NLGN3: variants seen among roughly 807,000 people sequenced by gnomAD.
NLGN3 encodes neuroligin-3.
A neutral mutation model predicts 42.9 loss-of-function variants in NLGN3; 11 were observed. The ratio of observed to expected loss-of-function variants is 0.26; its 90% confidence interval spans 0.16 to 0.42. The LOEUF (loss-of-function observed/expected upper bound fraction) is 0.42. Ranked by LOEUF, NLGN3 falls within the 10% of genes least tolerant of loss-of-function variation. NLGN3 has a pLI of 1.00. For missense variants in NLGN3, 374 were observed against 733.8 expected (o/e 0.51, Z 5.67); for synonymous variants, 279 against 312.7 (o/e 0.89, Z 1.14).
chrX:71,170,336 A>T lies in NLGN3; in HGVS notation c.*239A>T. 2.8e-6 allele frequency: 3 copies of T among 1,059,715 alleles called. No homozygotes were observed. Among genetic ancestry groups the T allele is most frequent in the Non-Finnish European group, 3.7e-6 (3 of 819,765 alleles). 87.3% of individuals were successfully genotyped at this position (1,059,715 alleles called of 1,213,427 possible). A position where few individuals can be genotyped will look rare whatever the true frequency, so the allele number is the denominator to read the frequency against. ...GAACAAACCCTTTAAATGGGGACGC[A>T]GATGAGTCCTCGGTAAACCGAGGAC... On this transcript the variant is annotated 3_prime_UTR_variant, in exon 8 of 8. Transcript: ENST00000358741.
At chrX:71,173,112 G>A (rs1602334750), downstream of NLGN3, among the ~76,000 whole-genome samples, 2 of 110,129 alleles carry the variant, frequency 1.8e-5, no homozygotes, top group East Asian at 5.7e-4. Context: ...TTGTTCTTAT[G>A]TTCCATCCTT....
chrX:71,147,471 G>A, intron 1 of NLGN3, 79 bp from the exon 2 acceptor site: 1 of 419,937 alleles, frequency 2.4e-6, no homozygotes, highest in Middle Eastern at 6.6e-4. Flanking sequence ...AATAGCCCAA[G>A]CCCAGCAGGG....
chrX:71,160,302 C>T (rs2092425935), intron 5 of NLGN3, among the ~76,000 whole-genome samples: 3 of 107,347 alleles, frequency 2.8e-5, no homozygotes, highest in Non-Finnish European at 5.8e-5. Context: ...CTACAACCTC[C>T]GCCTCCCCGG....
At chrX:71,149,007 C>A in intron 3 of NLGN3, 102 bp downstream of exon 3, 1 of 486,644 alleles carries the variant, frequency 2.1e-6, no homozygotes, top group Non-Finnish European at 3.3e-6. Flanking sequence ...GTAGCCCAGG[C>A]TCAGGGGGCA....
rs766819355 is a variant in NLGN3, at chrX:71,166,976, G to A, written c.914-35G>A. The A allele has an allele frequency of 2.8e-5, 31 of 1,124,107 alleles. No individual in the cohort carries two copies. In the South Asian group the frequency reaches 4.4e-4, roughly 16 times the overall value. The allele number at this position is 1,124,107 out of a possible 1,213,427, so 92.6% of individuals were successfully genotyped here. A position where few individuals can be genotyped will look rare whatever the true frequency, so the allele number is the denominator to read the frequency against. On this transcript the variant is annotated intron_variant, in intron 6 of 7. Coordinates refer to ENST00000358741, the MANE Select transcript of NLGN3 (RefSeq NM_181303.2). ...AGAGATTTATGGCTATGTGTGACAC[G>A]ACAGATCTGACCTGGTGCTACCTGT...
At position 71,164,126 on chromosome X, in the gene NLGN3, C is replaced by A. The variant is rs1602326480; in HGVS notation, c.728-17C>A. ...TCCCTCTGCCTTCATTGTCTTCATG[C>A]CCTTTGTTGAATCCAGGTTTCCTGA... On this transcript the variant is annotated splice_polypyrimidine_tract_variant and intron_variant, in intron 5 of 7. Transcript: ENST00000358741. 2 of 1,208,923 alleles carry A rather than the reference C, an allele frequency of 1.7e-6. No individual in the cohort carries two copies. The highest frequency in any genetic ancestry group is 2.2e-6 in the Non-Finnish European group (2 of 893,183).
downstream of NLGN3, chrX:71,171,307 T>A: frequency 2.3e-6 from 1 of 432,540 alleles, no homozygotes; most frequent in Non-Finnish European, 2.8e-6. Flanking sequence ...CCTGTATCTT[T>A]AAGCTGAGTC....
Position 71,170,776 on chromosome X carries a change from G to A in NLGN3, c.*679G>A. On this transcript the variant is annotated 3_prime_UTR_variant, in exon 8 of 8. Coordinates refer to ENST00000358741, the MANE Select transcript of NLGN3 (RefSeq NM_181303.2). Reference sequence around the variant, plus strand: ...AAGGAGAAAGGGGCTAGCACTGGATGGAGCTGGAGGGTCGTAGGGGAGAGA... The same window carrying A: ...AAGGAGAAAGGGGCTAGCACTGGATAGAGCTGGAGGGTCGTAGGGGAGAGA... 1 of 756,993 alleles carries A rather than the reference G, an allele frequency of 1.3e-6. No individual in the cohort carries two copies. Among genetic ancestry groups the A allele is most frequent in the Non-Finnish European group, 1.6e-6 (1 of 640,891 alleles). 62.4% of individuals were successfully genotyped at this position (756,993 alleles called of 1,213,427 possible).
chrX:71,147,552 C>T lies in NLGN3; in HGVS notation c.-198C>T. 2.2e-6 allele frequency: 1 copy of T among 461,606 alleles called. No homozygotes were observed. The highest frequency in any genetic ancestry group is 3.1e-5 in the South Asian group (1 of 32,274). 38.0% of individuals were successfully genotyped at this position (461,606 alleles called of 1,213,427 possible). On this transcript the variant is annotated splice_region_variant and 5_prime_UTR_variant, in exon 2 of 8. Coordinates refer to ENST00000358741, the MANE Select transcript of NLGN3 (RefSeq NM_181303.2). ...CGCATACTTCCCTCTTTCCACAGGC[C>T]TGTCTGGCCCTGAGGGAGTCCCCTT...
downstream of NLGN3, among the ~76,000 whole-genome samples, chrX:71,172,627 C>CGTGTGT (rs59876964): frequency 0.14 from 13,851 of 100,354 alleles, 1,635 homozygotes; most frequent in African/African-American, 0.37. Flanking sequence ...TGTGTGCATG[C>CGTGTGT]GTGTGTGTGT....
intron 4 of NLGN3, 26 bp from the exon 5 acceptor site, chrX:71,155,188 C>T: frequency 8.3e-7 from 1 of 1,211,179 alleles, no homozygotes. Context: ...CCCACCCAGC[C>T]TGTGTCTCAC....
intron 2 of NLGN3, among the ~76,000 whole-genome samples, 190 bp downstream of exon 2, chrX:71,148,396 T>A (rs1388686899): frequency 9.5e-6 from 1 of 105,680 alleles, no homozygotes; most frequent in Non-Finnish European, 2.0e-5. Flanking sequence ...CGAGCTCCCA[T>A]GTGTGAGTGA....
chrX:71,155,860 G>A (rs1295896814), intron 5 of NLGN3, among the ~76,000 whole-genome samples: 1 of 110,240 alleles, frequency 9.1e-6, no homozygotes, highest in African/African-American at 3.3e-5. Context: ...CACACACCTA[G>A]CCCCACATTC....
chrX:71,154,259 C>T (rs1246974702), intron 4 of NLGN3, among the ~76,000 whole-genome samples: 6 of 113,508 alleles, frequency 5.3e-5, no homozygotes. Context: ...TTCCCTTCCT[C>T]CTCCATGCCC....
At chrX:71,173,272 C>A (rs921643948), downstream of NLGN3, among the ~76,000 whole-genome samples, 3 of 111,142 alleles carry the variant, frequency 2.7e-5, no homozygotes, top group Non-Finnish European at 5.7e-5. Flanking sequence ...CTCAAGGCGC[C>A]ATAGCAAAAC....
Position 71,169,873 on chromosome X carries a change from T to C in NLGN3, c.2323T>C (p.Cys775Arg). The change falls in exon 8 of 8, where the codon TGT becomes CGT. Residue 775 changes from cysteine (C) to arginine (R), a missense_variant. Coordinates refer to ENST00000358741, the MANE Select transcript of NLGN3 (RefSeq NM_181303.2). ...ACAACTGGGCCCCACCCACCACGAGTGTGAGGCCGGTCCCCCCCATGACAC... is the reference window on the plus strand; with the variant it reads ...ACAACTGGGCCCCACCCACCACGAGCGTGAGGCCGGTCCCCCCCATGACAC... ...ALQLGPTHHECEAGPPHDTLR... is the reference protein window; with the variant it reads ...ALQLGPTHHEREAGPPHDTLR... 1 of 1,198,365 alleles carries C rather than the reference T, an allele frequency of 8.3e-7. No individual in the cohort carries two copies. The highest frequency in any genetic ancestry group is 1.1e-6 in the Non-Finnish European group (1 of 888,850).
rs774697128 is a variant in NLGN3, at chrX:71,170,139, C to A, written c.*42C>A. On this transcript the variant is annotated 3_prime_UTR_variant, in exon 8 of 8. Coordinates refer to ENST00000358741, the MANE Select transcript of NLGN3 (RefSeq NM_181303.2). ...AGCCAATCTCCAGGCTCCCTCCCTC[C>A]CAGATCCAGGAACACATGCACACAC... is the stretch of plus-strand genomic sequence containing the variant. 2 of 1,199,660 alleles carry A rather than the reference C, an allele frequency of 1.7e-6. No homozygotes were observed. Among genetic ancestry groups the A allele is most frequent in the Non-Finnish European group, 2.2e-6 (2 of 893,452 alleles).
At chrX:71,168,812 G>A (rs868728016) in intron 7 of NLGN3, among the ~76,000 whole-genome samples, 6 of 28,877 alleles carry the variant, frequency 2.1e-4, no homozygotes, top group South Asian at 1.4e-3. Context: ...AAGAAAGAAA[G>A]AGAAAAAAAA....
chrX:71,170,372 G>T lies in NLGN3; in HGVS notation c.*275G>T. Reference sequence around the variant, plus strand: ...CGGTAAACCGAGGACCCATGAAACAGCAGCTGAAGCCAGCTCCCTGAATCT... The same window carrying T: ...CGGTAAACCGAGGACCCATGAAACATCAGCTGAAGCCAGCTCCCTGAATCT... On this transcript the variant is annotated 3_prime_UTR_variant, in exon 8 of 8. Coordinates refer to ENST00000358741, the MANE Select transcript of NLGN3 (RefSeq NM_181303.2). 1.0e-6 allele frequency: 1 copy of T among 997,921 alleles called. No individual in the cohort carries two copies. Among genetic ancestry groups the T allele is most frequent in the Non-Finnish European group, 1.3e-6 (1 of 784,822 alleles). The allele number at this position is 997,921 out of a possible 1,213,427, so 82.2% of individuals were successfully genotyped here. A position where few individuals can be genotyped will look rare whatever the true frequency, so the allele number is the denominator to read the frequency against.
Sources: allele counts gnomAD v4.1 joint callset (sites outside exome capture counted in the v4.1 genomes callset), GRCh38; gene constraint gnomAD v4.1.1; transcripts MANE v1.5; gene names NCBI Gene and HGNC (gene_info 2026-07-23, HGNC 2026-07-21).